The following LARGE1 variants were observed in gnomAD, a reference collection of about 807,000 sequenced individuals.
LARGE1 encodes xylosyl- and glucuronyltransferase LARGE1.
LARGE1 carries 43 observed loss-of-function variants against 87.6 expected under a neutral mutation model. That is an observed-to-expected ratio of 0.49 (90% CI 0.38 to 0.63). The LOEUF (loss-of-function observed/expected upper bound fraction) is 0.63, where lower values mean the gene tolerates loss of function less well. LARGE1 is among the 30% of genes least tolerant of loss of function. The pLI is 0.00. For missense variants in LARGE1, 802 were observed against 1,000.2 expected, an observed-to-expected ratio of 0.80 and a Z score of 2.67; for synonymous variants, 434 against 394.6, an observed-to-expected ratio of 1.10 and a Z score of -1.18.
At chr22:33,502,544 C>T (rs1045523302) in intron 6 of LARGE1, among the ~76,000 whole-genome samples, 1 of 152,036 alleles carries the variant, frequency 6.6e-6, no homozygotes, top group African/African-American at 2.4e-5. Context: ...AGGTGCCACC[C>T]ACCTCTGCGT....
intron 1 of LARGE1, among the ~76,000 whole-genome samples, chr22:33,812,916 A>T (rs1489173422): frequency 6.6e-6 from 1 of 152,222 alleles, no homozygotes; most frequent in African/African-American, 2.4e-5. Flanking sequence ...TTAAAAGACA[A>T]ATAAAACAGA....
chr22:33,841,515 A>G (rs977819401), intron 1 of LARGE1, among the ~76,000 whole-genome samples: 1 of 152,222 alleles, frequency 6.6e-6, no homozygotes, highest in Non-Finnish European at 1.5e-5. Context: ...ATGTAGCTAC[A>G]ATATCCGCAG....
chr22:33,344,599 C>T (rs1277580395), intron 9 of LARGE1, among the ~76,000 whole-genome samples: 1 of 152,152 alleles, frequency 6.6e-6, no homozygotes, highest in African/African-American at 2.4e-5. Flanking sequence ...CACTAAACCA[C>T]ATCTCTCACT....
At chr22:33,422,797 A>AACTC (rs960895474) in intron 7 of LARGE1, among the ~76,000 whole-genome samples, 5 of 151,950 alleles carry the variant, frequency 3.3e-5, no homozygotes, top group African/African-American at 1.2e-4. Context: ...ATCTCATGAG[A>AACTC]ACTCACTCAC....
At chr22:33,514,041 C>CTA (rs2071179646) in intron 6 of LARGE1, among the ~76,000 whole-genome samples, 1 of 152,156 alleles carries the variant, frequency 6.6e-6, no homozygotes, top group Admixed American at 6.5e-5. Context: ...AAGCAACAGG[C>CTA]TATACCATAT....
chr22:33,252,258 C>A (rs1056162822), intron 11 of LARGE1, among the ~76,000 whole-genome samples: 3 of 141,174 alleles, frequency 2.1e-5, no homozygotes, highest in Non-Finnish European at 3.1e-5. Flanking sequence ...CATTCCCCCC[C>A]CCCCCGCCAT....
At chr22:33,286,550 C>T (rs564955903) in intron 12 of LARGE1, among the ~76,000 whole-genome samples, 6 of 152,208 alleles carry the variant, frequency 3.9e-5, no homozygotes, top group African/African-American at 7.2e-5. Context: ...AGTCTCTGCC[C>T]GCATGGTGCT....
At chr22:33,749,712 A>T (rs1010008198) in intron 2 of LARGE1, among the ~76,000 whole-genome samples, 13 of 152,262 alleles carry the variant, frequency 8.5e-5, no homozygotes, top group African/African-American at 3.1e-4. Context: ...GATTAACTGA[A>T]TTTTTTCGTT....
chr22:33,348,490 T>C (rs1256381503), intron 9 of LARGE1, among the ~76,000 whole-genome samples: 2 of 152,124 alleles, frequency 1.3e-5, no homozygotes, highest in African/African-American at 4.8e-5. Context: ...GTAATGGCAT[T>C]GTAGTAGGTA....
rs546568921 is a variant in LARGE1 at position 33,360,272 on chromosome 22, C to T, written c.1131+21647G>A. Among the ~76,000 whole-genome samples, 2 of 149,356 alleles carry T rather than the reference C, an allele frequency of 1.3e-5. 1 individual carries two copies. The highest frequency in any genetic ancestry group is 4.5e-4 in the South Asian group (2 of 4,466). On this transcript the variant is annotated intron_variant, in intron 9 of 14. Coordinates refer to ENST00000397394, the MANE Select transcript of LARGE1 (RefSeq NM_133642.5). ...AGGTTGCAGTGAGCCAAGACCACGC[C>T]ACTGTGCTCCAGCCTGGGCAACAGA...
intron 7 of LARGE1, among the ~76,000 whole-genome samples, chr22:33,394,608 AC>A (rs1447759491): frequency 6.6e-6 from 1 of 152,158 alleles, no homozygotes; most frequent in African/African-American, 2.4e-5. Flanking sequence ...AGATGAAGAA[AC>A]TAAAGCTTCC....
intron 5 of LARGE1, among the ~76,000 whole-genome samples, chr22:33,601,652 G>T (rs1310414397): frequency 6.6e-6 from 1 of 152,158 alleles, no homozygotes; most frequent in Non-Finnish European, 1.5e-5. Flanking sequence ...TGGGATTCAG[G>T]AATGTGAGAG....
At chr22:33,777,774 A>C (rs1211997408) in intron 1 of LARGE1, among the ~76,000 whole-genome samples, 3 of 152,182 alleles carry the variant, frequency 2.0e-5, no homozygotes, top group Non-Finnish European at 4.4e-5. Flanking sequence ...CTTGAGGCCG[A>C]GCACAAGAAC....
At chr22:33,419,266 C>G (rs983325754) in intron 7 of LARGE1, among the ~76,000 whole-genome samples, 2 of 152,010 alleles carry the variant, frequency 1.3e-5, no homozygotes, top group African/African-American at 4.8e-5. Context: ...TGCCTCCCAT[C>G]AGGTTCCTCC....
intron 2 of LARGE1, among the ~76,000 whole-genome samples, chr22:33,670,405 T>C (rs1001828932): frequency 4.0e-5 from 6 of 151,444 alleles, no homozygotes; most frequent in African/African-American, 1.5e-4. Context: ...ATTAGAAAGG[T>C]GAGCACCAAG....
At chr22:33,799,728 G>T (rs769084002) in intron 1 of LARGE1, among the ~76,000 whole-genome samples, 1 of 152,118 alleles carries the variant, frequency 6.6e-6, no homozygotes, top group African/African-American at 2.4e-5. Flanking sequence ...CACCGTGCCC[G>T]GTCAATAAGG....
At chr22:33,603,911 G>A (rs2079176718) in intron 5 of LARGE1, among the ~76,000 whole-genome samples, 1 of 152,166 alleles carries the variant, frequency 6.6e-6, no homozygotes, top group African/African-American at 2.4e-5. Context: ...TATTTATTCA[G>A]CAGTGTCTTT....
the LARGE1 span, among the ~76,000 whole-genome samples, chr22:33,129,576 A>T: frequency 6.6e-6 from 1 of 152,202 alleles, no homozygotes; most frequent in Non-Finnish European, 1.5e-5. Context: ...AATAAAAGTC[A>T]TCGGTGTTAG....
intron 11 of LARGE1, among the ~76,000 whole-genome samples, chr22:33,231,096 T>C (rs1389856649): frequency 7.2e-5 from 11 of 152,264 alleles, no homozygotes; most frequent in Non-Finnish European, 1.6e-4. Flanking sequence ...GGTTGATTTG[T>C]TGACTGTTTT....
Sources: gnomAD v4.1 joint callset for allele counts (sites outside exome capture counted in the v4.1 genomes callset) on GRCh38, gnomAD v4.1.1 for gene constraint, MANE v1.5 for transcripts, NCBI Gene and HGNC (gene_info 2026-07-23, HGNC 2026-07-21) for gene names.